PDZD2: variants seen among roughly 807,000 people sequenced by gnomAD.
PDZD2 encodes the protein PDZ domain-containing protein 2.
A neutral mutation model predicts 220.7 loss-of-function variants in PDZD2; 90 were observed. That is an observed-to-expected ratio of 0.41 (90% CI 0.34 to 0.49). The LOEUF is 0.49. Ranked by LOEUF, PDZD2 falls within the 20% of genes least tolerant of loss-of-function variation. The pLI, the probability that PDZD2 is intolerant of heterozygous loss-of-function variation, is 0.28. For missense variants in PDZD2, 3,174 were observed against 3,608.5 expected, an observed-to-expected ratio of 0.88 and a Z score of 3.08; for synonymous variants, 1,375 against 1,450.5, an observed-to-expected ratio of 0.95 and a Z score of 1.18.
rs1391889275 is a variant in PDZD2, at chr5:31,671,942, G to T, written c.-361+32505G>T. On this transcript the variant is annotated intron_variant, in intron 1 of 24. Transcript: ENST00000438447. ...AGGACCTCTCCTCAGTTCTCTCCTG[G>T]ATGTTTTCACCTAGATCAGGGGATT... 2.0e-5 allele frequency among the ~76,000 whole-genome samples: 3 copies of T among 152,144 alleles called. No individual in the cohort carries two copies. The East Asian group carries it at 5.8e-4, about 29-fold the overall frequency.
chr5:31,888,611 A>G (rs1740735227), intron 2 of PDZD2, among the ~76,000 whole-genome samples: 1 of 152,224 alleles, frequency 6.6e-6, no homozygotes, highest in African/African-American at 2.4e-5. Flanking sequence ...ATACTCTACA[A>G]GGCATGTGAA....
At chr5:31,996,618 G>A (rs1025492230) in intron 4 of PDZD2, among the ~76,000 whole-genome samples, 17 of 152,118 alleles carry the variant, frequency 1.1e-4, no homozygotes, top group Non-Finnish European at 2.2e-4. Context: ...TGAGGCACGA[G>A]AATGGGTTGA....
chr5:31,923,161 G>T (rs995990172), intron 2 of PDZD2, among the ~76,000 whole-genome samples: 3 of 152,166 alleles, frequency 2.0e-5, no homozygotes, highest in African/African-American at 7.2e-5. Context: ...CAGGCTTGGT[G>T]GTGGGCACCT....
intron 6 of PDZD2, among the ~76,000 whole-genome samples, 187 bp from the exon 7 acceptor site, chr5:32,037,044 A>T (rs569686353): frequency 1.4e-4 from 21 of 152,020 alleles, no homozygotes; most frequent in Admixed American, 1.0e-3. Context: ...CTGAGGAGGA[A>T]TTGGCCAATG....
At chr5:31,697,819 G>A (rs1747437950) in intron 1 of PDZD2, among the ~76,000 whole-genome samples, 1 of 152,162 alleles carries the variant, frequency 6.6e-6, no homozygotes, top group African/African-American at 2.4e-5. Context: ...GGATGCCCTG[G>A]CAGTGGCTGA....
At chr5:31,856,068 A>AAT (rs1369866958) in intron 2 of PDZD2, among the ~76,000 whole-genome samples, 2 of 152,212 alleles carry the variant, frequency 1.3e-5, no homozygotes, top group Non-Finnish European at 2.9e-5. Context: ...AACTCTAAAT[A>AAT]ATATAGACAT....
intron 10 of PDZD2, among the ~76,000 whole-genome samples, chr5:32,057,361 C>T (rs944483475): frequency 9.9e-5 from 15 of 152,048 alleles, no homozygotes; most frequent in South Asian, 8.3e-4. Flanking sequence ...AGTTTGATTT[C>T]GAAACATAGG....
intron 2 of PDZD2, among the ~76,000 whole-genome samples, chr5:31,844,357 C>T (rs1757479945): frequency 6.6e-6 from 1 of 152,122 alleles, no homozygotes; most frequent in African/African-American, 2.4e-5. Flanking sequence ...GATTAGAAAC[C>T]TATTCTTGGA....
intron 6 of PDZD2, among the ~76,000 whole-genome samples, chr5:32,023,211 C>CTTGTG (rs59282505): frequency 0.047 from 7,191 of 152,210 alleles, 530 homozygotes; most frequent in African/African-American, 0.16. Context: ...CCTTTGAACC[C>CTTGTG]TCATGTCATC....
chr5:32,043,856 A>T (rs1051487697), intron 7 of PDZD2, among the ~76,000 whole-genome samples: 18 of 151,930 alleles, frequency 1.2e-4, no homozygotes, highest in African/African-American at 4.3e-4. Context: ...CAAACTCCTG[A>T]CCTAAAGTGA....
At position 31,849,898 on chromosome 5, in the gene PDZD2, A is replaced by ACG. The variant is rs1561506822; in HGVS notation, c.476+50174_476+50175insCG. On this transcript the variant is annotated intron_variant, in intron 2 of 24. Coordinates refer to ENST00000438447, the MANE Select transcript of PDZD2 (RefSeq NM_178140.4). ...TATATATATATATATACACATATAT[A>ACG]TATATACATATATATATATACATAT... 1.4e-4 allele frequency among the ~76,000 whole-genome samples: 5 copies of ACG among 34,648 alleles called. 1 individual carries two copies. Among genetic ancestry groups the ACG allele is most frequent in the African/African-American group, 9.4e-4 (4 of 4,278 alleles). The allele number at this position is 34,648 out of a possible 152,430, so 22.7% of individuals were successfully genotyped here. A position where few individuals can be genotyped will look rare whatever the true frequency, so the allele number is the denominator to read the frequency against.
intron 2 of PDZD2, among the ~76,000 whole-genome samples, chr5:31,884,649 C>T (rs1051570857): frequency 6.6e-6 from 1 of 151,958 alleles, no homozygotes; most frequent in Non-Finnish European, 1.5e-5. Flanking sequence ...AGTGCAATGG[C>T]GCGATCTCGG....
chr5:31,896,360 G>A (rs944525502), intron 2 of PDZD2, among the ~76,000 whole-genome samples: 2 of 144,582 alleles, frequency 1.4e-5, no homozygotes, highest in African/African-American at 2.6e-5. Flanking sequence ...GTGTGTGTGT[G>A]TGTGTGTATG....
At chr5:32,053,605 G>A (rs1738797721) in intron 9 of PDZD2, among the ~76,000 whole-genome samples, 164 bp from the exon 10 acceptor site, 1 of 152,230 alleles carries the variant, frequency 6.6e-6, no homozygotes, top group Admixed American at 6.5e-5. Flanking sequence ...ACAAACTTGA[G>A]TTTGCAGCTA....
At chr5:32,019,169 T>TG (rs1754002684) in intron 6 of PDZD2, among the ~76,000 whole-genome samples, 1 of 113,674 alleles carries the variant, frequency 8.8e-6, no homozygotes, top group African/African-American at 3.2e-5. Flanking sequence ...TGAGACAGGG[T>TG]CTCACTCTGT....
chr5:31,689,304 C>CAT lies in PDZD2; in HGVS notation c.-361+49869_-361+49870dup, dbSNP rs1320897975. Among the ~76,000 whole-genome samples the CAT allele has an allele frequency of 6.6e-4, 70 of 105,980 alleles. 1 individual carries two copies. Among genetic ancestry groups the CAT allele is most frequent in the African/African-American group, 2.6e-3 (69 of 26,612 alleles). The allele number at this position is 105,980 out of a possible 152,430, so 69.5% of individuals were successfully genotyped here. On this transcript the variant is annotated intron_variant, in intron 1 of 24. Coordinates refer to ENST00000438447, the MANE Select transcript of PDZD2 (RefSeq NM_178140.4). ...ATATATACATACATATACATATACA[C>CAT]ATACATACATATACACATATATATA...
At chr5:32,091,279 C>CT (rs57254389) in intron 20 of PDZD2, 104 bp downstream of exon 20, 28,018 of 260,590 alleles carry the variant, frequency 0.11, 1,129 homozygotes, top group African/African-American at 0.17. Flanking sequence ...TTCCCACTTA[C>CT]TTTTTTTTTT....
chr5:31,664,223 G>A (rs1358092783), intron 1 of PDZD2, among the ~76,000 whole-genome samples: 1 of 151,896 alleles, frequency 6.6e-6, no homozygotes, highest in African/African-American at 2.4e-5. Flanking sequence ...GGCTGGTCTT[G>A]AACTCCTGGT....
chr5:31,760,404 C>A (rs190820255), intron 1 of PDZD2, among the ~76,000 whole-genome samples: 33 of 152,226 alleles, frequency 2.2e-4, no homozygotes, highest in Non-Finnish European at 3.1e-4. Flanking sequence ...ACAGTGCCAA[C>A]AGTAAGCACC....
Sources: allele counts gnomAD v4.1 joint callset (sites outside exome capture counted in the v4.1 genomes callset), GRCh38; gene constraint gnomAD v4.1.1; transcripts MANE v1.5; gene names NCBI Gene and HGNC (gene_info 2026-07-23, HGNC 2026-07-21).